Variants in DYSF observed in about 807,000 individuals in gnomAD.
DYSF encodes dystrophy-associated fer-1-like 1.
Under a neutral mutation model 274.9 loss-of-function variants are expected in DYSF, and 212 were observed. The ratio of observed to expected loss-of-function variants is 0.77; its 90% CI spans 0.69 to 0.86. DYSF has a LOEUF of 0.86. DYSF is among the 40% of genes least tolerant of loss of function. DYSF has a pLI of 0.00. For synonymous variants in DYSF, 1,091 were observed against 1,078.7 expected (o/e 1.01, Z -0.22); for missense variants, 2,666 against 2,783.2 (o/e 0.96, Z 0.95).
chr2:71,559,021 A>G (rs1248815121), intron 22 of DYSF, among the ~76,000 whole-genome samples: 1 of 152,096 alleles, frequency 6.6e-6, no homozygotes, highest in East Asian at 1.9e-4. Flanking sequence ...CCCTTTCTCC[A>G]GTCAGCCTGG....
intron 3 of DYSF, among the ~76,000 whole-genome samples, chr2:71,486,514 T>A (rs1185860256): frequency 1.3e-5 from 2 of 152,158 alleles, no homozygotes; most frequent in African/African-American, 2.4e-5. Flanking sequence ...GCATTTGGCA[T>A]TTCTGGGTTT....
chr2:71,586,014 G>A lies in DYSF; in HGVS notation c.3403-3579G>A, dbSNP rs79663266. Among the ~76,000 whole-genome samples, 560 of 152,210 alleles carry A rather than the reference G, an allele frequency of 3.7e-3. 1 individual carries two copies. The highest frequency in any genetic ancestry group is 4.5e-3 in the Non-Finnish European group (307 of 67,998). On this transcript the variant is annotated intron_variant, in intron 30 of 55. Coordinates refer to ENST00000410020, the MANE Select transcript of DYSF (RefSeq NM_001130987.2). ...TGTTGCAGCTGGTGTGAGCAGGTAGGGGGTGTAGGGGTTTGGGGGTCTGTG... is the reference window on the plus strand; with the variant it reads ...TGTTGCAGCTGGTGTGAGCAGGTAGAGGGTGTAGGGGTTTGGGGGTCTGTG...
At chr2:71,602,665 T>C in intron 35 of DYSF, 111 bp from the exon 36 acceptor site, 1 of 1,168,718 alleles carries the variant, frequency 8.6e-7, no homozygotes, top group Non-Finnish European at 1.2e-6. Context: ...GCATCTGGCA[T>C]GCTGACCTCT....
At chr2:71,550,045 CTTAGG>C (rs1280483971) in intron 17 of DYSF, among the ~76,000 whole-genome samples, 1 of 152,206 alleles carries the variant, frequency 6.6e-6, no homozygotes, top group African/African-American at 2.4e-5. Context: ...AGTGCATGAC[CTTAGG>C]TCTAGCTCAA....
At chr2:71,468,626 A>G (rs1218601596) in intron 1 of DYSF, among the ~76,000 whole-genome samples, 1 of 152,214 alleles carries the variant, frequency 6.6e-6, no homozygotes, top group Admixed American at 6.5e-5. Context: ...CAGAAATACC[A>G]TACAATAGAA....
intron 51 of DYSF, among the ~76,000 whole-genome samples, chr2:71,671,966 C>G (rs1573116777): frequency 6.6e-6 from 1 of 151,718 alleles, no homozygotes; most frequent in African/African-American, 2.4e-5. Context: ...CACAGGGGAG[C>G]AGGGGTGGCG....
chr2:71,521,938 T>C (rs985353600), intron 12 of DYSF, among the ~76,000 whole-genome samples: 11 of 152,196 alleles, frequency 7.2e-5, no homozygotes, highest in African/African-American at 2.6e-4. Flanking sequence ...CAGCGATGAG[T>C]GGTGAGAGCT....
chr2:71,460,577 T>C (rs956324802), intron 1 of DYSF, among the ~76,000 whole-genome samples: 1 of 152,184 alleles, frequency 6.6e-6, no homozygotes, highest in Non-Finnish European at 1.5e-5. Context: ...ATTGAGTTAC[T>C]AGGCCTCAGT....
In DYSF at chr2:71,590,260, G is replaced by C. The variant is rs762611071; in HGVS notation, c.3546G>C (p.Leu1182=). The C allele has an allele frequency of 6.2e-7, 1 of 1,614,168 alleles. No homozygotes were observed. Among genetic ancestry groups the C allele is most frequent in the South Asian group, 1.1e-5 (1 of 91,084 alleles). The change falls in exon 32 of 56, where the codon CTG becomes CTC. Residue 1182 remains leucine (L), a synonymous_variant. Transcript: ENST00000410020. ...LRCYMYQARD[L]AAMDKDSFSD... ...GCTACATGTACCAGGCCCGGGACCT[G>C]GCTGCGATGGACAAGGACTCTTTTT...
chr2:71,668,614 C>T (rs2095060719), intron 48 of DYSF, 140 bp from the exon 49 acceptor site: 11 of 772,514 alleles, frequency 1.4e-5, no homozygotes, highest in African/African-American at 1.0e-4. Context: ...CCTGTAGTCC[C>T]CTGTTTAGGG....
At chr2:71,523,441 G>A (rs1414529526) in intron 12 of DYSF, among the ~76,000 whole-genome samples, 1 of 152,048 alleles carries the variant, frequency 6.6e-6, no homozygotes, top group Non-Finnish European at 1.5e-5. Context: ...GACTGGATTT[G>A]GGGGAACAAC....
At chr2:71,541,186 C>G (rs1280961635) in intron 17 of DYSF, among the ~76,000 whole-genome samples, 1 of 152,122 alleles carries the variant, frequency 6.6e-6, no homozygotes, top group East Asian at 1.9e-4. Flanking sequence ...ACATCTGGAA[C>G]AGTTTCTATA....
intron 3 of DYSF, among the ~76,000 whole-genome samples, chr2:71,487,404 T>C (rs916885807): frequency 9.9e-5 from 15 of 152,176 alleles, no homozygotes; most frequent in Admixed American, 3.3e-4. Context: ...CAAGAACCTC[T>C]GGAGTGGGCT....
rs143939123 is a variant in DYSF, at chr2:71,669,655, G to A, written c.5693G>A (p.Arg1898His). 2.0e-5 allele frequency: 33 copies of A among 1,614,162 alleles called. No individual in the cohort carries two copies. In the African/African-American group the frequency reaches 3.1e-4, roughly 15 times the overall value. The change falls in exon 51 of 56, where the codon CGT becomes CAT. Residue 1898 changes from arginine (R) to histidine (H), a missense_variant. Physicochemically the swap from Arg to His is conservative, Grantham distance 29. Around this residue, in one of 3 missense-constraint regions of DYSF, gnomAD observed 1,460 missense variants for 1,502.1 expected, o/e 0.97. Transcript: ENST00000410020. ...AAGCAAAAGACAGACGTGCATTATCGTTCCCTGGGAGGTGAAGGCAACTTC... is the reference window on the plus strand; with the variant it reads ...AAGCAAAAGACAGACGTGCATTATCATTCCCTGGGAGGTGAAGGCAACTTC... ...EHKQKTDVHY[R>H]SLGGEGNFNW... is the part of the protein sequence containing the mutation.
Position 71,569,858 on chromosome 2 carries a change from T to C in DYSF, c.2903T>C (p.Val968Ala). ...HDMDAGHLSF[V>A]EEVFENQTRL... ...ATGGACGCCGGTCACCTGAGCTTCG[T>C]GGAAGAGGTGTTTGAGAACCAGACC... The change falls in exon 27 of 56, where the codon GTG (valine) becomes GCG (alanine). Residue 968 changes from valine to alanine, a missense_variant. By Grantham distance (64) the Val-to-Ala change is moderately conservative (BLOSUM62 0). Transcript: ENST00000410020. 1 of 1,614,144 alleles carries C rather than the reference T, an allele frequency of 6.2e-7. No homozygotes were observed. Among genetic ancestry groups the C allele is most frequent in the Non-Finnish European group, 8.5e-7 (1 of 1,180,026 alleles).
intron 30 of DYSF, among the ~76,000 whole-genome samples, chr2:71,583,853 G>A (rs1276075251): frequency 6.6e-6 from 1 of 152,192 alleles, no homozygotes; most frequent in Non-Finnish European, 1.5e-5. Context: ...GGCAGACTCA[G>A]GTGAGTTTGG....
At chr2:71,459,754 G>A (rs1003718013) in intron 1 of DYSF, among the ~76,000 whole-genome samples, 2 of 152,144 alleles carry the variant, frequency 1.3e-5, no homozygotes, top group Non-Finnish European at 2.9e-5. Context: ...TGGAGACCTT[G>A]GGCCTGGGCT....
intron 17 of DYSF, among the ~76,000 whole-genome samples, chr2:71,550,152 G>T (rs1040093138): frequency 8.5e-5 from 13 of 152,214 alleles, no homozygotes; most frequent in Non-Finnish European, 1.8e-4. Flanking sequence ...CCTGTCTCTG[G>T]CCCTGCTTTC....
rs1208432666 is a variant in DYSF, at chr2:71,551,172, C to T, written c.1692+16C>T. 2 of 1,612,994 alleles carry T rather than the reference C, an allele frequency of 1.2e-6. No individual in the cohort carries two copies. The highest frequency in any genetic ancestry group is 4.5e-5 in the East Asian group (2 of 44,876). On this transcript the variant is annotated intron_variant, in intron 18 of 55. Transcript: ENST00000410020. Reference sequence around the variant, plus strand: ...CACAGGCAAGGTAAGCCGGCTGGAGCCCTGGCAAGGGCAGGATGCCAGATG... The same window carrying T: ...CACAGGCAAGGTAAGCCGGCTGGAGTCCTGGCAAGGGCAGGATGCCAGATG...
Sources: allele counts gnomAD v4.1 joint callset (sites outside exome capture counted in the v4.1 genomes callset), GRCh38; gene constraint gnomAD v4.1.1; regional missense constraint gnomAD v4.1.1; transcripts MANE v1.5; gene names NCBI Gene and HGNC (gene_info 2026-07-23, HGNC 2026-07-21).